LUZP2: variants seen among roughly 807,000 people sequenced by gnomAD.
LUZP2 encodes the protein leucine zipper protein 2.
LUZP2 carries 52 observed loss-of-function variants against 51.6 expected under a neutral mutation model. That is an observed-to-expected ratio of 1.01 (90% CI 0.81 to 1.27). LUZP2 has a LOEUF of 1.27. LUZP2 is among the 50% of genes most tolerant of loss of function. The probability of loss-of-function intolerance (pLI) is 0.00; values close to 1 mark genes in which losing one functional copy is unlikely to be tolerated. For missense variants in LUZP2, 436 were observed against 395.4 expected, an observed-to-expected ratio of 1.10 and a Z score of -0.87; for synonymous variants, 154 against 137.3, an observed-to-expected ratio of 1.12 and a Z score of -0.85.
At chr11:24,761,757 A>T (rs2134029709) in intron 4 of LUZP2, among the ~76,000 whole-genome samples, 1 of 152,330 alleles carries the variant, frequency 6.6e-6, no homozygotes, top group East Asian at 1.9e-4. Context: ...TAGCTACAAT[A>T]AATTAACTGG....
intron 10 of LUZP2, among the ~76,000 whole-genome samples, chr11:25,065,059 T>A (rs750017064): frequency 6.6e-6 from 1 of 152,074 alleles, no homozygotes; most frequent in East Asian, 1.9e-4. Context: ...ATGTTCTGAC[T>A]TCCTACAAAA....
At chr11:24,808,122 G>A (rs1278835712) in intron 5 of LUZP2, among the ~76,000 whole-genome samples, 2 of 152,114 alleles carry the variant, frequency 1.3e-5, no homozygotes, top group East Asian at 3.8e-4. Context: ...AGTTTATACA[G>A]CACTTTCACT....
chr11:24,669,583 T>G (rs909501499), intron 1 of LUZP2, among the ~76,000 whole-genome samples: 1 of 152,094 alleles, frequency 6.6e-6, no homozygotes, highest in Non-Finnish European at 1.5e-5. Flanking sequence ...AAATGGTCAC[T>G]CTCAGATATT....
chr11:24,766,993 C>A (rs950538852), intron 5 of LUZP2, among the ~76,000 whole-genome samples: 4 of 152,116 alleles, frequency 2.6e-5, no homozygotes, highest in Middle Eastern at 3.2e-3. Context: ...AACTCCTGAC[C>A]TCAGGTGTGA....
chr11:24,719,187 A>G (rs2133947461), intron 1 of LUZP2, among the ~76,000 whole-genome samples: 1 of 152,026 alleles, frequency 6.6e-6, no homozygotes, highest in South Asian at 2.1e-4. Flanking sequence ...TTAGAAAAGC[A>G]AAAAAAAGAA....
intron 1 of LUZP2, among the ~76,000 whole-genome samples, chr11:24,569,265 A>C (rs1313067415): frequency 2.6e-5 from 4 of 152,078 alleles, no homozygotes; most frequent in Non-Finnish European, 5.9e-5. Flanking sequence ...AAAACAAAAT[A>C]CAAAAGCAAA....
intron 1 of LUZP2, among the ~76,000 whole-genome samples, chr11:24,575,612 G>T (rs955059212): frequency 2.0e-5 from 3 of 151,848 alleles, no homozygotes; most frequent in Middle Eastern, 3.2e-3. Context: ...AAGCACTTTG[G>T]CTTGATAATC....
chr11:24,527,597 AC>A (rs1460437892), intron 1 of LUZP2, among the ~76,000 whole-genome samples: 11 of 143,238 alleles, frequency 7.7e-5, no homozygotes, highest in African/African-American at 3.1e-4. Context: ...ACACACACAC[AC>A]ATTTATTTGT....
Position 25,078,635 on chromosome 11 carries a change from G to A in LUZP2, c.1018G>A (p.Ala340Thr), listed in dbSNP as rs1859388560. The A allele has an allele frequency of 1.2e-6, 2 of 1,607,672 alleles. No homozygotes were observed. The highest frequency in any genetic ancestry group is 2.2e-5 in the South Asian group (2 of 89,662). Residue 340 changes from alanine (A) to threonine (T), a missense_variant, in exon 12 of 12, where the codon GCT becomes ACT. Ala to Thr is a moderately conservative substitution (Grantham distance 58). Coordinates refer to ENST00000336930, the MANE Select transcript of LUZP2 (RefSeq NM_001009909.4). Reference protein sequence around the residue: ...KPLTSFEGMAAREEKIL With the variant: ...KPLTSFEGMATREEKIL ...ATTGACCAGCTTTGAAGGGATGGCA[G>A]CTAGAGAAGAAAAAATACTGTAAAT...
chr11:24,761,769 A>G (rs564185357), intron 4 of LUZP2, among the ~76,000 whole-genome samples: 1 of 152,350 alleles, frequency 6.6e-6, no homozygotes, highest in East Asian at 1.9e-4. Context: ...ATTAACTGGT[A>G]TTACATAAAA....
At chr11:24,642,184 G>A (rs538454001) in intron 1 of LUZP2, among the ~76,000 whole-genome samples, 3 of 151,686 alleles carry the variant, frequency 2.0e-5, no homozygotes, top group Non-Finnish European at 4.4e-5. Flanking sequence ...CACCTCGCCC[G>A]GCCAGAAGTT....
intron 1 of LUZP2, among the ~76,000 whole-genome samples, chr11:24,625,711 A>AC (rs1158672414): frequency 6.6e-6 from 1 of 152,114 alleles, no homozygotes; most frequent in Non-Finnish European, 1.5e-5. Context: ...ATCTAAAAAA[A>AC]AAAAAAATCA....
chr11:24,581,585 C>A (rs985079934), intron 1 of LUZP2, among the ~76,000 whole-genome samples: 1 of 151,756 alleles, frequency 6.6e-6, no homozygotes, highest in African/African-American at 2.4e-5. Context: ...GTGGGAGGAT[C>A]GCTTGAACTC....
chr11:25,052,758 T>A (rs894920229), intron 10 of LUZP2, among the ~76,000 whole-genome samples: 2 of 152,212 alleles, frequency 1.3e-5, no homozygotes, highest in African/African-American at 4.8e-5. Flanking sequence ...GAACTTAATT[T>A]CATTTTTTTA....
rs369576370 is a variant in LUZP2, at chr11:24,514,267, A to G, written c.62+16962A>G. On this transcript the variant is annotated intron_variant, in intron 1 of 11. Transcript: ENST00000336930. Reference sequence around the variant, plus strand: ...TAAAAATTTCAAGACAAAGTGGCAGAGAAAAAGAGAGAAAGAAATAGATGG... The same window carrying G: ...TAAAAATTTCAAGACAAAGTGGCAGGGAAAAAGAGAGAAAGAAATAGATGG... Among the ~76,000 whole-genome samples, 11 of 152,342 alleles carry G rather than the reference A, an allele frequency of 7.2e-5. No homozygotes were observed. The East Asian group carries it at 1.9e-3, about 27-fold the overall frequency.
chr11:24,845,536 G>A (rs909583950), intron 5 of LUZP2, among the ~76,000 whole-genome samples: 2 of 152,026 alleles, frequency 1.3e-5, no homozygotes, highest in Non-Finnish European at 2.9e-5. Flanking sequence ...TTTGGGAGGG[G>A]CCAGAGGCAG....
chr11:24,531,441 C>CA (rs1300833745), intron 1 of LUZP2, among the ~76,000 whole-genome samples: 1 of 150,768 alleles, frequency 6.6e-6, no homozygotes, highest in Non-Finnish European at 1.5e-5. Flanking sequence ...TGACAACATT[C>CA]AAAATTCATT....
rs541297091 is a variant in LUZP2 at position 24,734,298 on chromosome 11, T to C, written c.251+2110T>C. Among the ~76,000 whole-genome samples the C allele has an allele frequency of 5.3e-5, 8 of 151,854 alleles. No individual in the cohort carries two copies. The East Asian group carries it at 1.6e-3, about 30-fold the overall frequency. ...GCATGATGTGAATGAAAACCTATTC[T>C]CTTAGTTTGTTGATATTTTTTTAAA... On this transcript the variant is annotated intron_variant, in intron 3 of 11. Coordinates refer to ENST00000336930, the MANE Select transcript of LUZP2 (RefSeq NM_001009909.4).
intron 1 of LUZP2, among the ~76,000 whole-genome samples, chr11:24,507,808 C>T (rs368322019): frequency 1.3e-5 from 2 of 151,910 alleles, no homozygotes; most frequent in African/African-American, 2.4e-5. Flanking sequence ...ATCATCTTCT[C>T]CCTACTCCCC....
Sources: gnomAD v4.1 joint callset for allele counts (sites outside exome capture counted in the v4.1 genomes callset) on GRCh38, gnomAD v4.1.1 for gene constraint, MANE v1.5 for transcripts, NCBI Gene and HGNC (gene_info 2026-07-23, HGNC 2026-07-21) for gene names.